Variants in PDCD2 observed in about 807,000 individuals in gnomAD.
PDCD2 encodes the protein programmed cell death 2, also known as uS5 assembly chaperone PDCD2.
PDCD2 carries 38 observed loss-of-function variants against 38.1 expected under a neutral mutation model. That is an observed-to-expected ratio of 1.00 (90% CI 0.77 to 1.31). PDCD2 has a LOEUF of 1.31. PDCD2 is among the 50% of genes most tolerant of loss of function. PDCD2 has a pLI of 0.00. For missense variants in PDCD2, 473 were observed against 435.7 expected (o/e 1.09, Z -0.76); for synonymous variants, 205 against 168.9 (o/e 1.21, Z -1.66).
rs73258630 is a variant in PDCD2 at position 170,581,977 on chromosome 6, A to G, written c.658+1080T>C. The G allele has an allele frequency of 3.8e-3, 2,684 of 701,406 alleles. 42 individuals carry two copies. The highest frequency in any genetic ancestry group is 0.037 in the African/African-American group (2,019 of 55,060). 43.4% of individuals were successfully genotyped at this position (701,406 alleles called of 1,614,324 possible). On this transcript the variant is annotated intron_variant, in intron 3 of 5. Coordinates refer to ENST00000541970, the MANE Select transcript of PDCD2 (RefSeq NM_002598.4). The stretch of plus-strand genomic sequence containing the variant: ...CTCATACAGTTCCACAGTCACATTT[A>G]CACTAACAAGGCATATTTGAAGTCC...
rs1779634644 is a variant in PDCD2, at chr6:170,582,347, G to A, written c.658+710C>T. The A allele has an allele frequency of 5.9e-6, 9 of 1,533,086 alleles. No homozygotes were observed. In the South Asian group the frequency reaches 9.6e-5, roughly 16 times the overall value. 95.0% of individuals were successfully genotyped at this position (1,533,086 alleles called of 1,614,324 possible). ...TATGACTGGTATGAACTACAAACCA[G>A]TAAGCTGATGTTTTCATTTTGAGTC... On this transcript the variant is annotated intron_variant, in intron 3 of 5. Coordinates refer to ENST00000541970, the MANE Select transcript of PDCD2 (RefSeq NM_002598.4).
chr6:170,579,904 G>A, intron 4 of PDCD2, 98 bp downstream of exon 4: 1 of 711,606 alleles, frequency 1.4e-6, no homozygotes, highest in South Asian at 1.7e-5. Flanking sequence ...GGCTCCTAAG[G>A]AACAGACTAA....
At position 170,580,118 on chromosome 6, in the gene PDCD2, CG is replaced by C. The variant is rs758638472; in HGVS notation, c.659-14del. ...TCAAGTGCTTCACCTGAAAAATCAA[CG>C]TAACTATTATGAAAAACAGGAGTAA... is the stretch of plus-strand genomic sequence containing the variant. On this transcript the variant is annotated splice_polypyrimidine_tract_variant and intron_variant, in intron 3 of 5. Coordinates refer to ENST00000541970, the MANE Select transcript of PDCD2 (RefSeq NM_002598.4). 7 of 1,510,282 alleles carry C rather than the reference CG, an allele frequency of 4.6e-6. No individual in the cohort carries two copies. The African/African-American group carries it at 6.9e-5, about 15-fold the overall frequency. The allele number at this position is 1,510,282 out of a possible 1,614,324, so 93.6% of individuals were successfully genotyped here.
At position 170,576,525 on chromosome 6, in the gene PDCD2, A is replaced by G. The variant is rs1367778461; in HGVS notation, c.*1034T>C. 2 of 152,306 alleles carry G rather than the reference A, an allele frequency of 1.3e-5. No individual in the cohort carries two copies. The highest frequency in any genetic ancestry group is 2.4e-5 in the African/African-American group (1 of 41,458). The allele number at this position is 152,306 out of a possible 1,614,324, so 9.4% of individuals were successfully genotyped here. Reference sequence around the variant, plus strand: ...TTAAGGGCAGGCATCACTGGTGCTGAGAGAACTGGGAATTGTCAACTGTGA... The same window carrying G: ...TTAAGGGCAGGCATCACTGGTGCTGGGAGAACTGGGAATTGTCAACTGTGA... On this transcript the variant is annotated 3_prime_UTR_variant, in exon 6 of 6. Transcript: ENST00000541970.
rs932471262 is a variant in PDCD2, at chr6:170,577,816, C to G, written c.877-99G>C. 1.0e-5 allele frequency: 11 copies of G among 1,054,746 alleles called. No individual in the cohort carries two copies. The South Asian group carries it at 1.3e-4, about 13-fold the overall frequency. The allele number at this position is 1,054,746 out of a possible 1,614,324, so 65.3% of individuals were successfully genotyped here. ...TTATAGGGATCTTGGTCTTTCAATC[C>G]TCATACTACAAAGCAGGATTATAGA... On this transcript the variant is annotated intron_variant, in intron 5 of 5. Transcript: ENST00000541970.
In PDCD2 at chr6:170,576,891, T is replaced by G. The variant is rs944404976; in HGVS notation, c.*668A>C. 6.6e-6 allele frequency: 1 copy of G among 152,264 alleles called. No homozygotes were observed. Among genetic ancestry groups the G allele is most frequent in the Non-Finnish European group, 1.5e-5 (1 of 68,058 alleles). 9.4% of individuals were successfully genotyped at this position (152,264 alleles called of 1,614,324 possible). A position where few individuals can be genotyped will look rare whatever the true frequency, so the allele number is the denominator to read the frequency against. ...TCCAGTTCTGTGATCACAAAGCCACTGTTGTTCCTCATCCTGCCAACTGTG... is the reference window on the plus strand; with the variant it reads ...TCCAGTTCTGTGATCACAAAGCCACGGTTGTTCCTCATCCTGCCAACTGTG... On this transcript the variant is annotated 3_prime_UTR_variant, in exon 6 of 6. Coordinates refer to ENST00000541970, the MANE Select transcript of PDCD2 (RefSeq NM_002598.4).
intron 5 of PDCD2, chr6:170,578,600 G>A (rs751537748): frequency 4.3e-6 from 3 of 702,872 alleles, no homozygotes; most frequent in Non-Finnish European, 7.8e-6. Flanking sequence ...TGGAGGTGGA[G>A]AGCAGTGTAG....
At chr6:170,580,963 T>C (rs923239762) in intron 3 of PDCD2, 1 of 152,194 alleles carries the variant, frequency 6.6e-6, no homozygotes, top group African/African-American at 2.4e-5. Flanking sequence ...TGCCTTCAGA[T>C]TGATGTTCCA....
In PDCD2 at chr6:170,583,114, C is replaced by T. The variant is rs1779666174; in HGVS notation, c.601G>A (p.Glu201Lys). 6.2e-7 allele frequency: 1 copy of T among 1,613,114 alleles called. No individual in the cohort carries two copies. Among genetic ancestry groups the T allele is most frequent in the Non-Finnish European group, 8.5e-7 (1 of 1,179,466 alleles). The change falls in exon 3 of 6, where the codon GAG (glutamate) becomes AAG (lysine). Residue 201 changes from glutamate to lysine, a missense_variant. By Grantham distance (56) the Glu-to-Lys change is moderately conservative. Transcript: ENST00000541970. The stretch of plus-strand genomic sequence containing the variant: ...TTTTCCACAACCTCAGGCATAATCT[C>T]ATCTTCTGTTTCTATTACAATTTCA... The part of the protein sequence containing the change: ...EFEIVIETED[E>K]IMPEVVEKED...
rs760386240 is a variant in PDCD2 at position 170,577,737 on chromosome 6, C to T, written c.877-20G>A. 1 of 1,610,898 alleles carries T rather than the reference C, an allele frequency of 6.2e-7. No individual in the cohort carries two copies. The highest frequency in any genetic ancestry group is 1.7e-5 in the Admixed American group (1 of 59,820). On this transcript the variant is annotated intron_variant, in intron 5 of 5. Transcript: ENST00000541970. ...CATGACCTGAGAAGAGGGTGACACA[C>T]AGTTAGAAAGCTGCTTCACAGCAGG...
chr6:170,578,545 T>C, intron 5 of PDCD2: 1 of 690,116 alleles, frequency 1.4e-6, no homozygotes. Context: ...TTATTTAAAA[T>C]AACAAAAGTT....
At chr6:170,583,338 T>G in intron 2 of PDCD2, 150 bp from the exon 3 acceptor site, 1 of 938,060 alleles carries the variant, frequency 1.1e-6, no homozygotes, top group South Asian at 1.8e-5. Flanking sequence ...CATTATTCAG[T>G]GATTCAGACT....
At position 170,583,761 on chromosome 6, in the gene PDCD2, C is replaced by G; in HGVS notation, c.284-14G>C. ...GATTCCTAAAAACTAAAAAAGAATA[C>G]AGAGAAAAGTTTTATCTTCAAACAA... On this transcript the variant is annotated splice_polypyrimidine_tract_variant and intron_variant, in intron 1 of 5. Coordinates refer to ENST00000541970, the MANE Select transcript of PDCD2 (RefSeq NM_002598.4). The G allele has an allele frequency of 6.3e-7, 1 of 1,583,974 alleles. No individual in the cohort carries two copies. Among genetic ancestry groups the G allele is most frequent in the Non-Finnish European group, 8.6e-7 (1 of 1,157,822 alleles).
chr6:170,584,599 G>T lies in PDCD2; in HGVS notation c.-18C>A. On this transcript the variant is annotated 5_prime_UTR_variant, in exon 1 of 6. Transcript: ENST00000541970. ...GCAGCCATGCGGGGCGCGGGCTGGC[G>T]TGGGGCGCAGCCCACAGCTGGGTCG... is the stretch of plus-strand genomic sequence containing the variant. 4.0e-6 allele frequency: 5 copies of T among 1,241,454 alleles called. No homozygotes were observed. Among genetic ancestry groups the T allele is most frequent in the Non-Finnish European group, 5.1e-6 (5 of 986,910 alleles). The allele number at this position is 1,241,454 out of a possible 1,614,324, so 76.9% of individuals were successfully genotyped here.
intron 3 of PDCD2, chr6:170,581,828 T>C (rs1016112962): frequency 7.5e-6 from 2 of 268,392 alleles, no homozygotes; most frequent in Non-Finnish European, 1.5e-5. Context: ...AGATGTACTG[T>C]CCTATGTTTT....
chr6:170,583,234 GACAGTCTAA>G (rs1779670918), intron 2 of PDCD2, 46 bp from the exon 3 acceptor site: 1 of 1,342,372 alleles, frequency 7.4e-7, no homozygotes, highest in African/African-American at 1.5e-5. Flanking sequence ...TAGTTTTGAA[GACAGTCTAA>G]TAATTTGCTG....
Position 170,578,894 on chromosome 6 carries a change from T to C in PDCD2, c.839A>G (p.Asp280Gly), listed in dbSNP as rs747878373. Residue 280 changes from aspartate to glycine, a missense_variant, in exon 5 of 6, where the codon GAT becomes GGT. Physicochemically the swap from Asp to Gly is moderately conservative, Grantham distance 94 (BLOSUM62 -1). Transcript: ENST00000541970. ...ENIPQEKDIP[D>G]CPCGAKRILE... ...TATTCTCTTGGCACCACAGGGGCAATCTGGAATATCCTTTTCTTGAGGAAT... is the reference window on the plus strand; with the variant it reads ...TATTCTCTTGGCACCACAGGGGCAACCTGGAATATCCTTTTCTTGAGGAAT... 3.1e-6 allele frequency: 5 copies of C among 1,611,546 alleles called. No individual in the cohort carries two copies. Among genetic ancestry groups the C allele is most frequent in the Non-Finnish European group, 4.2e-6 (5 of 1,178,600 alleles).
In PDCD2 at chr6:170,584,293, G is replaced by T; in HGVS notation, c.283+6C>A. 2 of 1,434,414 alleles carry T rather than the reference G, an allele frequency of 1.4e-6. No individual in the cohort carries two copies. The allele number at this position is 1,434,414 out of a possible 1,614,324, so 88.9% of individuals were successfully genotyped here. ...GGCCCCGTCCCGACCCCGTTTGGCG[G>T]CTCACCTCGCAGGCCGGCACAGCAC... On this transcript the variant is annotated splice_donor_region_variant and intron_variant, in intron 1 of 5. Coordinates refer to ENST00000541970, the MANE Select transcript of PDCD2 (RefSeq NM_002598.4).
At position 170,583,534 on chromosome 6, in the gene PDCD2, A is replaced by T. The variant is rs1779684298; in HGVS notation, c.497T>A (p.Leu166Ter). Reference protein sequence around the residue: ...SKEHQTLDWRLGHKQACAQPD... With the variant: ...SKEHQTLDWR ...TTGTGCACAAGCCTGCTTATGTCCC[A>T]ATCTCCAGTCTAGGGTCTGATGCTC... The change falls in exon 2 of 6, where the codon TTG becomes TAG. Residue 166 changes from leucine to a stop codon, truncating the protein, a stop_gained. Coordinates refer to ENST00000541970, the MANE Select transcript of PDCD2 (RefSeq NM_002598.4). LOFTEE classifies it high-confidence loss of function. 6.2e-7 allele frequency: 1 copy of T among 1,613,222 alleles called. No homozygotes were observed. The highest frequency in any genetic ancestry group is 1.7e-4 in the Middle Eastern group (1 of 6,052).
Sources: gnomAD v4.1 joint callset for allele counts on GRCh38, gnomAD v4.1.1 for gene constraint, MANE v1.5 for transcripts, NCBI Gene and HGNC (gene_info 2026-07-23, HGNC 2026-07-21) for gene names.